CACNA2D3: variants seen among roughly 807,000 people sequenced by gnomAD.
CACNA2D3 encodes the protein calcium voltage-gated channel auxiliary subunit alpha2delta 3, also known as voltage-dependent calcium channel subunit alpha-2/delta-3.
Under a neutral mutation model 160.6 loss-of-function variants are expected in CACNA2D3, and 60 were observed. The ratio of observed to expected loss-of-function variants is 0.37; its 90% CI spans 0.30 to 0.46. CACNA2D3 has a LOEUF of 0.46. Ranked by LOEUF, CACNA2D3 falls within the 20% of genes least tolerant of loss-of-function variation. The pLI is 1.00. For missense variants in CACNA2D3, 1,205 were observed against 1,365.0 expected, an observed-to-expected ratio of 0.88 and a Z score of 1.85; for synonymous variants, 558 against 492.9, an observed-to-expected ratio of 1.13 and a Z score of -1.75.
At chr3:55,064,433 G>A (rs1366572321) in intron 35 of CACNA2D3, among the ~76,000 whole-genome samples, 2 of 152,070 alleles carry the variant, frequency 1.3e-5, no homozygotes, top group African/African-American at 2.4e-5. Context: ...TCTAGTTGCT[G>A]GGCTGAGTGC....
chr3:54,406,730 G>A (rs1203446652), intron 4 of CACNA2D3, among the ~76,000 whole-genome samples: 1 of 152,098 alleles, frequency 6.6e-6, no homozygotes, highest in African/African-American at 2.4e-5. Context: ...GGAAGTACAA[G>A]TTGATCTAAT....
chr3:54,940,021 A>G (rs1449103576), intron 27 of CACNA2D3, among the ~76,000 whole-genome samples: 3 of 151,204 alleles, frequency 2.0e-5, no homozygotes, highest in African/African-American at 4.9e-5. Context: ...TGAGCATCTC[A>G]GAAAGAGGGG....
Position 54,562,785 on chromosome 3 carries a change from CT to C in CACNA2D3, c.545-12del. ...GTTTCTAATACACCCCTCTCTCTCT[CT>C]TTCTTTTTTACAGACCCTGCAATTG... On this transcript the variant is annotated splice_polypyrimidine_tract_variant and intron_variant, in intron 5 of 37. Transcript: ENST00000474759. 1 of 1,607,520 alleles carries C rather than the reference CT, an allele frequency of 6.2e-7. No homozygotes were observed. The highest frequency in any genetic ancestry group is 8.5e-7 in the Non-Finnish European group (1 of 1,175,240).
At chr3:54,738,761 T>C (rs1041005056) in intron 11 of CACNA2D3, among the ~76,000 whole-genome samples, 1 of 152,246 alleles carries the variant, frequency 6.6e-6, no homozygotes, top group East Asian at 1.9e-4. Context: ...TGATCCCATA[T>C]GATCCTACCT....
chr3:54,675,244 A>G (rs1700219636), intron 11 of CACNA2D3, among the ~76,000 whole-genome samples: 1 of 152,140 alleles, frequency 6.6e-6, no homozygotes, highest in African/African-American at 2.4e-5. Context: ...CCAAGGACAG[A>G]CAGACTTGGA....
At chr3:54,778,437 C>T (rs78728935) in intron 13 of CACNA2D3, among the ~76,000 whole-genome samples, 19,182 of 151,628 alleles carry the variant, frequency 0.13, 1,623 homozygotes, top group Non-Finnish European at 0.18. Flanking sequence ...GTGATCTCTT[C>T]CTCCCACTCC....
At chr3:54,339,020 G>A (rs879492917) in intron 3 of CACNA2D3, among the ~76,000 whole-genome samples, 2 of 152,146 alleles carry the variant, frequency 1.3e-5, no homozygotes, top group Non-Finnish European at 2.9e-5. Flanking sequence ...CAAAGCAACC[G>A]GTATTAATCC....
At chr3:54,974,657 A>G (rs1294149451) in intron 29 of CACNA2D3, among the ~76,000 whole-genome samples, 1 of 152,226 alleles carries the variant, frequency 6.6e-6, no homozygotes, top group Non-Finnish European at 1.5e-5. Flanking sequence ...TAGTTGCAGG[A>G]AGATGCCTTT....
chr3:54,227,011 A>G (rs540674458), intron 2 of CACNA2D3, among the ~76,000 whole-genome samples: 3 of 152,314 alleles, frequency 2.0e-5, no homozygotes, highest in African/African-American at 4.8e-5. Context: ...GGAAGCAGCT[A>G]TGTTTGGTAG....
chr3:54,785,531 C>T (rs1418577917), intron 13 of CACNA2D3, among the ~76,000 whole-genome samples: 2 of 152,176 alleles, frequency 1.3e-5, no homozygotes, highest in Admixed American at 1.3e-4. Context: ...TTTAGTCTAG[C>T]TATATGGGCC....
rs116875851 is a variant in CACNA2D3 at position 54,884,725 on chromosome 3, G to A, written c.1913-556G>A. Among the ~76,000 whole-genome samples the A allele has an allele frequency of 1.4e-3, 219 of 152,290 alleles. 1 individual carries two copies. The highest frequency in any genetic ancestry group is 9.7e-3 in the East Asian group (50 of 5,178). Reference sequence around the variant, plus strand: ...CAGGCGGATGACCGTTTTCACTTAGGATCCTGTAACAACTAGCAATCTTTG... The same window carrying A: ...CAGGCGGATGACCGTTTTCACTTAGAATCCTGTAACAACTAGCAATCTTTG... On this transcript the variant is annotated intron_variant, in intron 21 of 37. Transcript: ENST00000474759.
intron 4 of CACNA2D3, among the ~76,000 whole-genome samples, chr3:54,464,331 A>G (rs932331884): frequency 5.9e-5 from 9 of 152,006 alleles, no homozygotes; most frequent in African/African-American, 1.9e-4. Context: ...TTAAGTCTGC[A>G]GAGGTTACTG....
chr3:54,463,929 C>T (rs890730866), intron 4 of CACNA2D3, among the ~76,000 whole-genome samples: 4 of 152,032 alleles, frequency 2.6e-5, no homozygotes, highest in South Asian at 2.1e-4. Context: ...TTGATGATGG[C>T]GATGTACAGA....
chr3:54,925,174 C>T (rs377265977), intron 27 of CACNA2D3: 5 of 1,614,024 alleles, frequency 3.1e-6, no homozygotes, highest in Non-Finnish European at 3.4e-6. Context: ...CTGCATACCA[C>T]CTGGAGCAGG....
chr3:54,838,442 G>A, intron 15 of CACNA2D3, 126 bp from the exon 16 acceptor site: 1 of 758,236 alleles, frequency 1.3e-6, no homozygotes, highest in African/African-American at 1.7e-5. Flanking sequence ...GGAGATATGG[G>A]TTAATCCTCA....
intron 35 of CACNA2D3, among the ~76,000 whole-genome samples, chr3:55,026,538 T>C (rs1703567070): frequency 6.6e-6 from 1 of 151,918 alleles, no homozygotes; most frequent in South Asian, 2.1e-4. Context: ...AAGGCTTAGG[T>C]GGTCAAAAAA....
chr3:54,569,009 T>G (rs1234444872), intron 6 of CACNA2D3, among the ~76,000 whole-genome samples: 1 of 152,250 alleles, frequency 6.6e-6, no homozygotes, highest in Non-Finnish European at 1.5e-5. Flanking sequence ...AAGTCTCTGT[T>G]GCAAATCCTC....
At chr3:54,655,228 G>A (rs770684336) in intron 11 of CACNA2D3, among the ~76,000 whole-genome samples, 1 of 152,122 alleles carries the variant, frequency 6.6e-6, no homozygotes, top group South Asian at 2.1e-4. Flanking sequence ...GGGTGGGAGC[G>A]CAGTGCTGCC....
chr3:54,772,414 A>G (rs928611161), intron 13 of CACNA2D3, among the ~76,000 whole-genome samples: 2 of 152,070 alleles, frequency 1.3e-5, no homozygotes, highest in Non-Finnish European at 1.5e-5. Flanking sequence ...GACAAGTTCA[A>G]GATAAAAGTT....
Sources: gnomAD v4.1 joint callset for allele counts (sites outside exome capture counted in the v4.1 genomes callset) on GRCh38, gnomAD v4.1.1 for gene constraint, MANE v1.5 for transcripts, NCBI Gene and HGNC (gene_info 2026-07-23, HGNC 2026-07-21) for gene names.